DNAH2: variants seen among roughly 807,000 people sequenced by gnomAD.
DNAH2 encodes the protein axonemal beta dynein heavy chain 2.
A neutral mutation model predicts 523.5 loss-of-function variants in DNAH2; 323 were observed. The ratio of observed to expected loss-of-function variants is 0.62; its 90% CI spans 0.56 to 0.68. The LOEUF (loss-of-function observed/expected upper bound fraction) is 0.68, where lower values mean the gene tolerates loss of function less well. DNAH2 is among the 30% of genes least tolerant of loss of function. The pLI, the probability that DNAH2 is intolerant of heterozygous loss-of-function variation, is 0.00. For missense variants in DNAH2, 4,907 were observed against 5,701.5 expected, an observed-to-expected ratio of 0.86 and a Z score of 4.49; for synonymous variants, 2,093 against 2,177.4, an observed-to-expected ratio of 0.96 and a Z score of 1.08.
rs540801874 is a variant in DNAH2, at chr17:7,775,751, G to A, written c.4822-273G>A. 2.1e-5 allele frequency among the ~76,000 whole-genome samples: 3 copies of A among 145,832 alleles called. No homozygotes were observed. The East Asian group carries it at 6.1e-4, about 29-fold the overall frequency. ...TTCAACTGGCTCCATGAGGAGAGAA[G>A]ACCTCTTTAAATGGCCGTTAGTCAC... is the stretch of plus-strand genomic sequence containing the variant. On this transcript the variant is annotated intron_variant, in intron 30 of 85. Coordinates refer to ENST00000572933, the MANE Select transcript of DNAH2 (RefSeq NM_020877.5).
Position 7,797,719 on chromosome 17 carries a change from C to T in DNAH2, c.8120C>T (p.Thr2707Met), listed in dbSNP as rs777943335. ...LKEPKVYEDL[T>M]DLTVLKTVME... ...GAGCCCAAGGTGTATGAAGACCTCA[C>T]GGATCTGACAGTGCTGAAGACAGTC... The change falls in exon 53 of 86, where the codon ACG (threonine) becomes ATG (methionine). Residue 2707 changes from threonine (T) to methionine (M), a missense_variant. Thr to Met is a moderately conservative substitution (Grantham distance 81). Transcript: ENST00000572933. 28 of 1,614,002 alleles carry T rather than the reference C, an allele frequency of 1.7e-5. No homozygotes were observed. The East Asian group carries it at 3.1e-4, about 18-fold the overall frequency.
chr17:7,768,346 C>T, intron 24 of DNAH2, 79 bp downstream of exon 24: 1 of 1,417,046 alleles, frequency 7.1e-7, no homozygotes, highest in Non-Finnish European at 9.9e-7. Flanking sequence ...CCATTCTCCT[C>T]TCCGCAGTGT....
Position 7,743,097 on chromosome 17 carries a change from G to A in DNAH2, c.1859G>A (p.Arg620Gln), listed in dbSNP as rs201520989. The A allele has an allele frequency of 5.2e-5, 82 of 1,562,702 alleles. No individual in the cohort carries two copies. In the African/African-American group the frequency reaches 8.7e-4, roughly 17 times the overall value. The part of the protein sequence containing the change: ...CIRRLDTPLL[R>Q]ISQEKAGMLD... ...CGGCGGTTGGATACCCCATTGCTGC[G>A]AATCAGCCAGGAGAAGGCGGGCATG... The change falls in exon 12 of 86, where the codon CGA becomes CAA. Residue 620 changes from arginine (R) to glutamine (Q), a missense_variant. Arg to Gln is a conservative substitution (Grantham distance 43). This residue lies in a region of DNAH2 where 2,806 missense variants were observed against 3,190.8 expected (regional missense o/e 0.88). Transcript: ENST00000572933.
At position 7,833,602 on chromosome 17, in the gene DNAH2, T is replaced by C. The variant is rs2078259055; in HGVS notation, c.*69T>C. On this transcript the variant is annotated 3_prime_UTR_variant, in exon 86 of 86. Transcript: ENST00000572933. ...CAGGAGCTAAGACAGATGTTGCACCTAGGACTGAGGCCGGACCTCACTCAG... is the reference window on the plus strand; with the variant it reads ...CAGGAGCTAAGACAGATGTTGCACCCAGGACTGAGGCCGGACCTCACTCAG... 1.3e-6 allele frequency: 2 copies of C among 1,598,092 alleles called. No homozygotes were observed. The highest frequency in any genetic ancestry group is 2.7e-5 in the African/African-American group (2 of 74,948).
rs1318896671 is a variant in DNAH2 at position 7,791,960 on chromosome 17, T to A, written c.6944T>A (p.Met2315Lys). 6.2e-7 allele frequency: 1 copy of A among 1,613,244 alleles called. No individual in the cohort carries two copies. The highest frequency in any genetic ancestry group is 2.2e-5 in the East Asian group (1 of 44,880). The part of the protein sequence containing the change: ...DGENYVTMVE[M>K]TFVFSMIWSV... The stretch of plus-strand genomic sequence containing the variant: ...GAGAACTATGTCACCATGGTAGAGA[T>A]GACATTTGTGTTCAGCATGATCTGG... Residue 2315 changes from methionine to lysine, a missense_variant, in exon 45 of 86, where the codon ATG becomes AAG. Around this residue, in one of 3 missense-constraint regions of DNAH2, gnomAD observed 2,806 missense variants for 3,190.8 expected, o/e 0.88. Transcript: ENST00000572933.
chr17:7,720,105 GTTC>G (rs1269124144), intron 2 of DNAH2, among the ~76,000 whole-genome samples: 1 of 152,148 alleles, frequency 6.6e-6, no homozygotes, highest in East Asian at 1.9e-4. Context: ...CCTCATCCTT[GTTC>G]TTTCTGTCTT....
rs11659145 is a variant in DNAH2, at chr17:7,801,588, C to T, written c.8710C>T (p.Arg2904Cys). 63 of 1,614,170 alleles carry T rather than the reference C, an allele frequency of 3.9e-5. No individual in the cohort carries two copies. In the Admixed American group the frequency reaches 4.7e-4, roughly 12 times the overall value. ...CAAACCCCTTCCCAGGAACTGGATC[C>T]GCCAGTACCCAGCCTTGGTGAACTG... is the stretch of plus-strand genomic sequence containing the variant. ...PMGDPFRNWI[R>C]QYPALVNCTT... is the part of the protein sequence containing the mutation. The change falls in exon 57 of 86, where the codon CGC (arginine) becomes TGC (cysteine). Residue 2904 changes from arginine (R) to cysteine (C), a missense_variant. Transcript: ENST00000572933.
intron 72 of DNAH2, among the ~76,000 whole-genome samples, chr17:7,819,990 G>A (rs2077808878): frequency 6.6e-6 from 1 of 152,020 alleles, no homozygotes; most frequent in Non-Finnish European, 1.5e-5. Flanking sequence ...ATTTTTATTT[G>A]TACAGAAAGG....
rs528011160 is a variant in DNAH2 at position 7,804,325 on chromosome 17, C to T, written c.9042C>T (p.Ile3014=). The T allele has an allele frequency of 5.6e-6, 9 of 1,614,016 alleles. No homozygotes were observed. The highest frequency in any genetic ancestry group is 3.3e-5 in the Admixed American group (2 of 59,984). Residue 3014 remains isoleucine (I), a synonymous_variant, in exon 59 of 86, where the codon ATC becomes ATT. Transcript: ENST00000572933. ...ANKLRTGLFK[I]DETREKVQVM... is the part of the protein sequence containing the mutation. Reference sequence around the variant, plus strand: ...AACTGCGGACAGGCTTGTTCAAGATCGACGAAACTAGGGAAAAGGTGCAAG... The same window carrying T: ...AACTGCGGACAGGCTTGTTCAAGATTGACGAAACTAGGGAAAAGGTGCAAG...
chr17:7,777,249 T>A (rs59238459), intron 32 of DNAH2, among the ~76,000 whole-genome samples, 197 bp from the exon 33 acceptor site: 4,425 of 151,794 alleles, frequency 0.029, 189 homozygotes, highest in African/African-American at 0.095. Context: ...AGAGGTGAGC[T>A]GGTGGAAAAG....
chr17:7,792,433 G>A, intron 46 of DNAH2, 90 bp downstream of exon 46: 1 of 1,354,052 alleles, frequency 7.4e-7, no homozygotes, highest in Non-Finnish European at 1.1e-6. Flanking sequence ...GCAAAAATGA[G>A]CAATAGGAAG....
Position 7,770,588 on chromosome 17 carries a change from T to G in DNAH2, c.4130T>G (p.Val1377Gly), listed in dbSNP as rs1263649782. ...ALQNIAKTWD[V>G]TQLDIVPYKD... ...CAAAACATTGCCAAGACCTGGGATG[T>G]GACTCAGCTCGACATAGTACCCTAC... Residue 1377 changes from valine (V) to glycine (G), a missense_variant, in exon 26 of 86, where the codon GTG becomes GGG. Transcript: ENST00000572933. 1 of 1,614,042 alleles carries G rather than the reference T, an allele frequency of 6.2e-7. No individual in the cohort carries two copies. Among genetic ancestry groups the G allele is most frequent in the East Asian group, 2.2e-5 (1 of 44,892 alleles).
At chr17:7,824,874 C>T (rs1307490076) in intron 77 of DNAH2, 147 bp downstream of exon 77, 1 of 637,190 alleles carries the variant, frequency 1.6e-6, no homozygotes, top group African/African-American at 1.9e-5. Context: ...TTGTGCCAAA[C>T]TCCTAGAACA....
At position 7,740,973 on chromosome 17, in the gene DNAH2, G is replaced by T. The variant is rs755940921; in HGVS notation, c.1670G>T (p.Arg557Leu). 2 of 1,604,210 alleles carry T rather than the reference G, an allele frequency of 1.2e-6. No homozygotes were observed. Among genetic ancestry groups the T allele is most frequent in the South Asian group, 2.2e-5 (2 of 90,768 alleles). Residue 557 changes from arginine (R) to leucine (L), a missense_variant, in exon 11 of 86, where the codon CGC (arginine) becomes CTC (leucine). By Grantham distance (102) the Arg-to-Leu change is moderately radical. Coordinates refer to ENST00000572933, the MANE Select transcript of DNAH2 (RefSeq NM_020877.5). ...KARWVHILRR[R>L]IDRVMTCLAG... The stretch of plus-strand genomic sequence containing the variant: ...CGCTGGGTGCACATCCTCCGGCGTC[G>T]CATCGACAGAGTCATGACCGTAAGT...
intron 35 of DNAH2, 53 bp downstream of exon 35, chr17:7,778,522 A>G: frequency 6.6e-7 from 1 of 1,515,704 alleles, no homozygotes; most frequent in South Asian, 1.2e-5. Context: ...TTTTCGTCCC[A>G]GAAAATAAAC....
chr17:7,779,171 G>C lies in DNAH2; in HGVS notation c.5542-72G>C, dbSNP rs960992847. On this transcript the variant is annotated intron_variant, in intron 35 of 85. Coordinates refer to ENST00000572933, the MANE Select transcript of DNAH2 (RefSeq NM_020877.5). ...CGCCTATTGAAACATTTGAAGGAAG[G>C]GTGCGTTAATCACGCTTTCTAGCCT... The C allele has an allele frequency of 3.9e-6, 6 of 1,556,856 alleles. No homozygotes were observed. The East Asian group carries it at 1.4e-4, about 35-fold the overall frequency.
rs200940396 is a variant in DNAH2 at position 7,757,166 on chromosome 17, C to T, written c.1980C>T (p.Asn660=). 105 of 1,614,174 alleles carry T rather than the reference C, an allele frequency of 6.5e-5. No homozygotes were observed. The highest frequency in any genetic ancestry group is 8.1e-5 in the Non-Finnish European group (96 of 1,180,034). ...LLFETPHYVV[N]VAERAEDLRI... is the part of the protein sequence containing the mutation. ...TTGAGACGCCCCATTACGTGGTGAACGTAGCTGAGCGAGCCGAGGACCTGC... is the reference window on the plus strand; with the variant it reads ...TTGAGACGCCCCATTACGTGGTGAATGTAGCTGAGCGAGCCGAGGACCTGC... Residue 660 remains asparagine, a synonymous_variant, in exon 13 of 86, where the codon AAC becomes AAT. Transcript: ENST00000572933.
At position 7,733,475 on chromosome 17, in the gene DNAH2, C is replaced by CTTTTTTTTTTTTTTTTTTTTTTT. The variant is rs1199721840; in HGVS notation, c.628+180_628+181insTTTTTTTTTTTTTTTTTTTTTTT. Among the ~76,000 whole-genome samples, 150 of 113,854 alleles carry CTTTTTTTTTTTTTTTTTTTTTTT rather than the reference C, an allele frequency of 1.3e-3. 9 individuals carry two copies. Among genetic ancestry groups the CTTTTTTTTTTTTTTTTTTTTTTT allele is most frequent in the Non-Finnish European group, 2.0e-3 (103 of 52,448 alleles). 74.7% of individuals were successfully genotyped at this position (113,854 alleles called of 152,430 possible). On this transcript the variant is annotated intron_variant, in intron 5 of 85. Transcript: ENST00000572933. ...AGGGTACAAGATCCGCCTTCTTCTT[C>CTTTTTTTTTTTTTTTTTTTTTTT]TTTTTTTTTTTTTTTTTTTTGAGAT...
intron 14 of DNAH2, 89 bp downstream of exon 14, chr17:7,758,740 G>T (rs1178287330): frequency 6.4e-7 from 1 of 1,560,798 alleles, no homozygotes; most frequent in Non-Finnish European, 8.7e-7. Flanking sequence ...AAACCTGGGG[G>T]TAGTGTAAAA....
Sources: allele counts gnomAD v4.1 joint callset (sites outside exome capture counted in the v4.1 genomes callset), GRCh38; gene constraint gnomAD v4.1.1; regional missense constraint gnomAD v4.1.1; transcripts MANE v1.5; gene names NCBI Gene and HGNC (gene_info 2026-07-23, HGNC 2026-07-21).